The following FAM171A1 variants were observed in gnomAD, a reference collection of about 807,000 sequenced individuals.
FAM171A1 encodes the protein protein FAM171A1.
Under a neutral mutation model 74.9 loss-of-function variants are expected in FAM171A1, and 23 were observed. The ratio of observed to expected loss-of-function variants is 0.31; its 90% CI spans 0.22 to 0.44. The LOEUF is 0.44. Among genes scored for constraint, FAM171A1 ranks in the 20% least tolerant of loss-of-function variants. The pLI is 1.00. For missense variants in FAM171A1, 1,162 were observed against 1,159.2 expected (o/e 1.00, Z -0.03); for synonymous variants, 527 against 505.7 (o/e 1.04, Z -0.57).
At chr10:15,286,406 G>T (rs1034743452) in intron 1 of FAM171A1, among the ~76,000 whole-genome samples, 1 of 151,930 alleles carries the variant, frequency 6.6e-6, no homozygotes. Flanking sequence ...TCAGCCTCCC[G>T]AGTAGCTGGG....
chr10:15,290,993 C>G (rs947857013), intron 1 of FAM171A1, among the ~76,000 whole-genome samples: 2 of 152,094 alleles, frequency 1.3e-5, no homozygotes, highest in African/African-American at 2.4e-5. Flanking sequence ...TGGGACCACA[C>G]GCATGCACCA....
chr10:15,233,766 G>A (rs1016872596), intron 5 of FAM171A1, among the ~76,000 whole-genome samples: 1 of 152,102 alleles, frequency 6.6e-6, no homozygotes, highest in Non-Finnish European at 1.5e-5. Context: ...GCTGGGCATG[G>A]TGGCACATGC....
chr10:15,219,344 C>T (rs1024184301), intron 6 of FAM171A1, among the ~76,000 whole-genome samples: 16 of 152,146 alleles, frequency 1.1e-4, no homozygotes, highest in African/African-American at 3.4e-4. Flanking sequence ...AAAGCATGTA[C>T]TGATCTACTG....
At chr10:15,260,177 C>T (rs1834637186) in intron 3 of FAM171A1, among the ~76,000 whole-genome samples, 2 of 152,138 alleles carry the variant, frequency 1.3e-5, no homozygotes, top group Non-Finnish European at 2.9e-5. Context: ...TTCTTCCCCT[C>T]ATCCTACAGC....
At chr10:15,265,229 C>G (rs1210400727) in intron 3 of FAM171A1, among the ~76,000 whole-genome samples, 3 of 151,872 alleles carry the variant, frequency 2.0e-5, no homozygotes, top group African/African-American at 7.3e-5. Context: ...AGAGAAAGAG[C>G]TGCTCAAGTA....
At chr10:15,315,351 A>T (rs1349870207) in intron 1 of FAM171A1, among the ~76,000 whole-genome samples, 3 of 152,112 alleles carry the variant, frequency 2.0e-5, no homozygotes, top group Non-Finnish European at 2.9e-5. Context: ...CATCGAAAAC[A>T]CCGTACTTTG....
intron 5 of FAM171A1, among the ~76,000 whole-genome samples, chr10:15,229,732 C>T (rs536213198): frequency 4.7e-5 from 4 of 85,382 alleles, no homozygotes; most frequent in East Asian, 3.4e-4. Context: ...ACCATCATCA[C>T]CATCACCCCC....
At position 15,358,937 on chromosome 10, in the gene FAM171A1, G is replaced by C. The variant is rs975504862; in HGVS notation, c.97+12019C>G. ...CCAGGCTGTCTCCTACATAACAGTA[G>C]AGTCTTCCAATTAATGTGCAAATTT... is the stretch of plus-strand genomic sequence containing the variant. On this transcript the variant is annotated intron_variant, in intron 1 of 7. Transcript: ENST00000378116. Among the ~76,000 whole-genome samples, 11 of 152,302 alleles carry C rather than the reference G, an allele frequency of 7.2e-5. 1 individual carries two copies. The highest frequency in any genetic ancestry group is 2.6e-4 in the African/African-American group (11 of 41,574).
At chr10:15,268,396 C>T (rs1282449880) in intron 3 of FAM171A1, among the ~76,000 whole-genome samples, 4 of 152,078 alleles carry the variant, frequency 2.6e-5, no homozygotes, top group African/African-American at 9.7e-5. Context: ...GAGACACCAA[C>T]CTCATCAAAA....
intron 1 of FAM171A1, among the ~76,000 whole-genome samples, chr10:15,335,396 T>C (rs1041638917): frequency 6.6e-6 from 1 of 152,164 alleles, no homozygotes; most frequent in Admixed American, 6.5e-5. Flanking sequence ...GAAATATAAT[T>C]TAATAAACTT....
chr10:15,356,618 TA>T (rs1267567620), intron 1 of FAM171A1, among the ~76,000 whole-genome samples: 5 of 151,958 alleles, frequency 3.3e-5, no homozygotes, highest in Non-Finnish European at 7.4e-5. Context: ...TATGCAGCAA[TA>T]AAAAGAAACA....
At position 15,213,359 on chromosome 10, in the gene FAM171A1, G is replaced by A. The variant is rs964954225; in HGVS notation, c.2229C>T (p.Gly743=). 4 of 1,614,068 alleles carry A rather than the reference G, an allele frequency of 2.5e-6. No homozygotes were observed. In the Admixed American group the frequency reaches 5.0e-5, roughly 20 times the overall value. The stretch of plus-strand genomic sequence containing the variant: ...CTGATTTTGGTTCATTCATATCTAC[G>A]CCAGAGTCCAAACTGGCATCATTAC... ...NGSNDASLDS[G]VDMNEPKSAR... The change falls in exon 8 of 8, where the codon GGC becomes GGT. Residue 743 remains glycine (G), a synonymous_variant. Transcript: ENST00000378116. This position sits in a 1 kb window ranked among gnomAD's most constrained non-coding sequence, Gnocchi z 6.8.
At chr10:15,364,533 T>G (rs1167975008) in intron 1 of FAM171A1, among the ~76,000 whole-genome samples, 1 of 151,394 alleles carries the variant, frequency 6.6e-6, no homozygotes, top group Non-Finnish European at 1.5e-5. Context: ...GAATCTCTAT[T>G]CACAGTTCTT....
At chr10:15,276,983 AG>A (rs1268758284) in intron 2 of FAM171A1, among the ~76,000 whole-genome samples, 2 of 152,176 alleles carry the variant, frequency 1.3e-5, no homozygotes, top group Non-Finnish European at 2.9e-5. Context: ...CACTGCACCT[AG>A]CCAAGTTATG....
At chr10:15,321,645 T>C (rs1334586742) in intron 1 of FAM171A1, among the ~76,000 whole-genome samples, 1 of 152,242 alleles carries the variant, frequency 6.6e-6, no homozygotes, top group African/African-American at 2.4e-5. Flanking sequence ...AATTTTGATA[T>C]ATGCAAATAC....
chr10:15,367,558 G>A (rs138533339), intron 1 of FAM171A1, among the ~76,000 whole-genome samples: 15 of 152,282 alleles, frequency 9.9e-5, no homozygotes, highest in Admixed American at 1.3e-4. Context: ...CAATGTCACC[G>A]TAAGTTAGGC....
At chr10:15,214,751 G>A (rs1173237073) in intron 7 of FAM171A1, 150 bp from the exon 8 acceptor site, 6 of 969,126 alleles carry the variant, frequency 6.2e-6, no homozygotes, top group Non-Finnish European at 7.2e-6. Flanking sequence ...CTCACCCCAC[G>A]CCCTGTCTTT....
At chr10:15,356,800 G>C (rs1220458950) in intron 1 of FAM171A1, among the ~76,000 whole-genome samples, 2 of 151,948 alleles carry the variant, frequency 1.3e-5, no homozygotes, top group Non-Finnish European at 2.9e-5. Context: ...GTGAAACCCT[G>C]TCTCTACTGA....
chr10:15,241,286 A>G (rs187061421), intron 5 of FAM171A1: 25 of 152,330 alleles, frequency 1.6e-4, no homozygotes, highest in African/African-American at 5.8e-4. Context: ...GCTCCTGTAG[A>G]GTGTGGAATA....
Sources: allele counts gnomAD v4.1 joint callset (sites outside exome capture counted in the v4.1 genomes callset), GRCh38; gene constraint gnomAD v4.1.1; non-coding constraint Gnocchi (gnomAD v3.1); transcripts MANE v1.5; gene names NCBI Gene and HGNC (gene_info 2026-07-23, HGNC 2026-07-21).